The following PARP10 variants were observed in gnomAD, a reference collection of about 807,000 sequenced individuals.
PARP10 encodes the protein poly(ADP-ribose) polymerase family member 10.
A neutral mutation model predicts 82.4 loss-of-function variants in PARP10; 56 were observed. The observed-to-expected ratio is 0.68, with a 90% CI of 0.55 to 0.85. The LOEUF (loss-of-function observed/expected upper bound fraction) is 0.85. Ranked by LOEUF, PARP10 falls within the 40% of genes least tolerant of loss-of-function variation. The pLI is 0.00. For synonymous variants in PARP10, 576 were observed against 601.1 expected (o/e 0.96, Z 0.61); for missense variants, 1,227 against 1,379.4 (o/e 0.89, Z 1.75).
At position 143,977,644 on chromosome 8, in the gene PARP10, A is replaced by C; in HGVS notation, c.2918T>G (p.Leu973Arg). Residue 973 changes from leucine (L) to arginine (R), a missense_variant, in exon 11 of 11, where the codon CTG becomes CGG. Physicochemically the swap from Leu to Arg is moderately radical, Grantham distance 102 (BLOSUM62 -2). Coordinates refer to ENST00000313028, the MANE Select transcript of PARP10 (RefSeq NM_032789.5). ...GCAGTCCACGGCGCTGTCGTAGCGC[A>C]GGAGCACGTGGCCAGGACCCCGCAG... The part of the protein sequence containing the change: ...PPLRGPGHVL[L>R]RYDSAVDCIC... 1 of 1,593,904 alleles carries C rather than the reference A, an allele frequency of 6.3e-7. No individual in the cohort carries two copies. The highest frequency in any genetic ancestry group is 2.3e-5 in the East Asian group (1 of 43,594).
chr8:143,993,416 C>T (rs1433190308), upstream of PARP10: 1 of 157,306 alleles, frequency 6.4e-6, no homozygotes, highest in Non-Finnish European at 1.4e-5. Context: ...TGCTCTCTGC[C>T]TTCCCCTGGT....
rs1554748358 is a variant in PARP10, at chr8:143,983,668, C to T, written c.1921G>A (p.Ala641Thr). Residue 641 changes from alanine (A) to threonine (T), a missense_variant, in exon 8 of 11, where the codon GCC (alanine) becomes ACC (threonine). By Grantham distance (58) the Ala-to-Thr change is moderately conservative. Transcript: ENST00000313028. ...CACCTGGGTGCCACAGTGCTGGGGGCCACAGGCTCCTCCTCCTCATGCCCT... is the reference window on the plus strand; with the variant it reads ...CACCTGGGTGCCACAGTGCTGGGGGTCACAGGCTCCTCCTCCTCATGCCCT... ...TPGHEEEEPV[A>T]PSTVAPRWLE... The T allele has an allele frequency of 6.2e-7, 1 of 1,608,858 alleles. No individual in the cohort carries two copies.
upstream of PARP10, chr8:143,993,241 C>T: frequency 4.1e-6 from 1 of 244,850 alleles, no homozygotes; most frequent in South Asian, 5.2e-5. Context: ...CGTAGAGCAC[C>T]CCTCCCCTCC....
rs1554749281 is a variant in PARP10 at position 143,986,039 on chromosome 8, C to T, written c.181+16G>A. The T allele has an allele frequency of 6.2e-7, 1 of 1,610,750 alleles. No homozygotes were observed. Among genetic ancestry groups the T allele is most frequent in the South Asian group, 1.1e-5 (1 of 91,052 alleles). On this transcript the variant is annotated intron_variant, in intron 2 of 10. Transcript: ENST00000313028. ...TATCAGGGCACCCAGGCTGTCCCTT[C>T]AGCCAGCCCTCTCACCTGCAGGCTC...
chr8:143,985,696 C>T, intron 3 of PARP10, 25 bp downstream of exon 3: 1 of 1,602,216 alleles, frequency 6.2e-7, no homozygotes, highest in Non-Finnish European at 8.5e-7. Flanking sequence ...CTAGCCAGCA[C>T]CTCAACCCCA....
exon 1 of PARP10, chr8:144,012,649 C>G: frequency 1.9e-6 from 3 of 1,551,720 alleles, no homozygotes; most frequent in Non-Finnish European, 2.6e-6. Flanking sequence ...AAGACTCAGG[C>G]AGGCGGGCTC....
chr8:144,010,354 A>G (rs1220945066), intron 1 of PARP10, among the ~76,000 whole-genome samples: 1 of 152,214 alleles, frequency 6.6e-6, no homozygotes, highest in African/African-American at 2.4e-5. Flanking sequence ...TGGCCAACAT[A>G]TGTTTTCGGA....
Position 143,985,620 on chromosome 8 carries a change from C to G in PARP10, c.465G>C (p.Gln155His). 6.2e-7 allele frequency: 1 copy of G among 1,613,710 alleles called. No homozygotes were observed. Among genetic ancestry groups the G allele is most frequent in the Non-Finnish European group, 8.5e-7 (1 of 1,179,946 alleles). ...ADVRVLEEQAQNLGLEGTLVS... is the reference protein window; with the variant it reads ...ADVRVLEEQAHNLGLEGTLVS... ...CCAAGGTCCCCTCCAGGCCCAGATT[C>G]TGGGCCTGCTCCTCCAGGACACGGA... Residue 155 changes from glutamine (Q) to histidine (H), a missense_variant, in exon 4 of 11, where the codon CAG (glutamine) becomes CAC (histidine). Transcript: ENST00000313028.
chr8:144,012,345 C>T, intron 1 of PARP10: 1 of 618,544 alleles, frequency 1.6e-6, no homozygotes, highest in Non-Finnish European at 2.9e-6. Flanking sequence ...GGTGTTAGAG[C>T]AGAGAGGGCA....
At chr8:143,992,111 T>A, upstream of PARP10, 3 of 1,607,060 alleles carry the variant, frequency 1.9e-6, no homozygotes, top group Non-Finnish European at 2.6e-6. Context: ...TGTGCCTGGG[T>A]CCGGCCATGC....
At chr8:144,001,917 G>C (rs28564142) in intron 1 of PARP10, among the ~76,000 whole-genome samples, 10 of 141,892 alleles carry the variant, frequency 7.0e-5, no homozygotes, top group African/African-American at 3.1e-4. Context: ...TGTATTCTCA[G>C]TGTTAATTTT....
rs1275558043 is a variant in PARP10 at position 144,012,480 on chromosome 8, C to T, written c.-80+50G>A. On this transcript the variant is annotated intron_variant, in intron 1 of 3. Transcript: ENST00000530478. ...CTGGGCAGCCTCCAGGTGCAGTGCC[C>T]TCCCGTGGGCCGCACCCTTGCCACT... 4 of 1,543,292 alleles carry T rather than the reference C, an allele frequency of 2.6e-6. No homozygotes were observed. The East Asian group carries it at 9.8e-5, about 38-fold the overall frequency.
chr8:143,983,296 G>A lies in PARP10; in HGVS notation c.2293C>T (p.Arg765Cys), dbSNP rs529405414. The A allele has an allele frequency of 4.6e-5, 74 of 1,612,680 alleles. 1 individual carries two copies. The highest frequency in any genetic ancestry group is 1.6e-4 in the East Asian group (7 of 44,844). Residue 765 changes from arginine (R) to cysteine (C), a missense_variant, in exon 8 of 11, where the codon CGT becomes TGT. Physicochemically the swap from Arg to Cys is radical, Grantham distance 180. Coordinates refer to ENST00000313028, the MANE Select transcript of PARP10 (RefSeq NM_032789.5). ...ERCHGVSVAL[R>C]GDCTILRGFG... ...CCACGGAGGATGGTGCAGTCACCAC[G>A]CAGGGCAACACTCACACCATGGCAC...
chr8:143,985,265 T>G lies in PARP10; in HGVS notation c.737A>C (p.His246Pro), dbSNP rs1180433800. 1 of 1,613,698 alleles carries G rather than the reference T, an allele frequency of 6.2e-7. No individual in the cohort carries two copies. The highest frequency in any genetic ancestry group is 8.5e-7 in the Non-Finnish European group (1 of 1,179,922). The change falls in exon 5 of 11, where the codon CAC becomes CCC. Residue 246 changes from histidine (H) to proline (P), a missense_variant. Physicochemically the swap from His to Pro is moderately conservative, Grantham distance 77. Coordinates refer to ENST00000313028, the MANE Select transcript of PARP10 (RefSeq NM_032789.5). Reference sequence around the variant, plus strand: ...CTCCTCGGGCTCCAGGATGTCGTAGTGGGGGACAAGGCTCAGCTCTGAGCC... The same window carrying G: ...CTCCTCGGGCTCCAGGATGTCGTAGGGGGGGACAAGGCTCAGCTCTGAGCC... The part of the protein sequence containing the change: ...LQGSELSLVP[H>P]YDILEPEELA...
chr8:143,984,118 A>C lies in PARP10; in HGVS notation c.1681-14T>G. 1 of 1,547,166 alleles carries C rather than the reference A, an allele frequency of 6.5e-7. No homozygotes were observed. Among genetic ancestry groups the C allele is most frequent in the Non-Finnish European group, 8.7e-7 (1 of 1,144,280 alleles). On this transcript the variant is annotated splice_polypyrimidine_tract_variant and intron_variant, in intron 6 of 10. Transcript: ENST00000313028. ...GGTAGGGTCCACCTGTAGGGAGAGG[A>C]TGTCAGGACCACTAGCCTCTGGGCA...
chr8:143,983,946 G>A (rs1409275985), intron 7 of PARP10, 62 bp downstream of exon 7: 1 of 1,476,008 alleles, frequency 6.8e-7, no homozygotes, highest in African/African-American at 1.4e-5. Flanking sequence ...GCACAGAGCA[G>A]GGCAGGGGGT....
At position 143,983,562 on chromosome 8, in the gene PARP10, G is replaced by A. The variant is rs573473032; in HGVS notation, c.2027C>T (p.Ala676Val). Residue 676 changes from alanine (A) to valine (V), a missense_variant, in exon 8 of 11, where the codon GCT (alanine) becomes GTT (valine). Coordinates refer to ENST00000313028, the MANE Select transcript of PARP10 (RefSeq NM_032789.5). ...GGTTAGGGCTTGCCGCAGGGCAGCAGCCTCCTCCTGCTCAGCCACCTGACC... is the reference window on the plus strand; with the variant it reads ...GGTTAGGGCTTGCCGCAGGGCAGCAACCTCCTCCTGCTCAGCCACCTGACC... ...PQGQVAEQEE[A>V]AALRQALTLS... 6.2e-7 allele frequency: 1 copy of A among 1,606,288 alleles called. No individual in the cohort carries two copies. The highest frequency in any genetic ancestry group is 2.2e-5 in the East Asian group (1 of 44,660).
rs1554749296 is a variant in PARP10, at chr8:143,986,112, C to T, written c.124G>A (p.Val42Met). The T allele has an allele frequency of 1.2e-6, 2 of 1,614,130 alleles. No individual in the cohort carries two copies. Among genetic ancestry groups the T allele is most frequent in the East Asian group, 2.2e-5 (1 of 44,882 alleles). ...ENRRRSGGGPVLSWQRLGCGG... is the reference protein window; with the variant it reads ...ENRRRSGGGPMLSWQRLGCGG... ...CAGCCCAGTCTCTGCCAGCTCAACA[C>T]AGGTCCCCCTCCAGAGCGTCGGCGG... The change falls in exon 2 of 11, where the codon GTG (valine) becomes ATG (methionine). Residue 42 changes from valine to methionine, a missense_variant. Transcript: ENST00000313028.
upstream of PARP10, chr8:143,991,217 C>A: frequency 6.4e-7 from 1 of 1,566,740 alleles, no homozygotes; most frequent in South Asian, 1.2e-5. Flanking sequence ...CCGCGGAACC[C>A]GAGGCCATGT....
Sources: allele counts gnomAD v4.1 joint callset (sites outside exome capture counted in the v4.1 genomes callset), GRCh38; gene constraint gnomAD v4.1.1; transcripts MANE v1.5; gene names NCBI Gene and HGNC (gene_info 2026-07-23, HGNC 2026-07-21).